Variants in FBXO31 observed in about 807,000 individuals in gnomAD.
FBXO31 encodes the protein F-box only protein 31.
In FBXO31, 24 loss-of-function variants were observed where a neutral mutation model predicts 54.4. That is an observed-to-expected ratio of 0.44 (90% CI 0.32 to 0.62). FBXO31 has a LOEUF of 0.62. Ranked by LOEUF, FBXO31 falls within the 20% of genes least tolerant of loss-of-function variation. FBXO31 has a pLI of 0.05. For synonymous variants in FBXO31, 388 were observed against 335.6 expected (o/e 1.16, Z -1.71); for missense variants, 665 against 787.1 (o/e 0.84, Z 1.86).
chr16:87,348,087 G>C (rs1424139810), intron 2 of FBXO31, among the ~76,000 whole-genome samples: 1 of 152,076 alleles, frequency 6.6e-6, no homozygotes, highest in Non-Finnish European at 1.5e-5. Context: ...TCACCCCATG[G>C]GGTATGGGCC....
At chr16:87,356,920 C>T (rs1174927233) in intron 2 of FBXO31, among the ~76,000 whole-genome samples, 3 of 152,102 alleles carry the variant, frequency 2.0e-5, no homozygotes, top group African/African-American at 7.2e-5. Context: ...AATTCATTGT[C>T]TCCATCACCA....
In FBXO31 at chr16:87,335,887, G is replaced by A. The variant is rs1418868767; in HGVS notation, c.842+268C>T. ...CACCCGGGTGAAGGATGGGGTCTGG[G>A]GCTGTGCCACAGCAGCTACAGGGAG... is the stretch of plus-strand genomic sequence containing the variant. On this transcript the variant is annotated intron_variant, in intron 6 of 8. Transcript: ENST00000311635. The surrounding 1 kb of genome is among the most constrained non-coding windows in gnomAD (Gnocchi z 5.7). Among the ~76,000 whole-genome samples the A allele has an allele frequency of 6.6e-6, 1 of 152,062 alleles. No individual in the cohort carries two copies. The highest frequency in any genetic ancestry group is 1.5e-5 in the Non-Finnish European group (1 of 68,000).
At chr16:87,354,629 GA>G (rs1905814663) in intron 2 of FBXO31, among the ~76,000 whole-genome samples, 1 of 151,900 alleles carries the variant, frequency 6.6e-6, no homozygotes, top group African/African-American at 2.4e-5. Flanking sequence ...TGCACCCAAG[GA>G]AAAAAGAAAA....
rs547336476 is a variant in FBXO31, at chr16:87,359,536, T to C, written c.412+759A>G. Among the ~76,000 whole-genome samples, 8 of 152,288 alleles carry C rather than the reference T, an allele frequency of 5.3e-5. No individual in the cohort carries two copies. The South Asian group carries it at 1.4e-3, about 28-fold the overall frequency. ...GTCTTCATGTCACTTTGAGATGATA[T>C]GACCCAAATGGCCTAAGAAACTCAA... On this transcript the variant is annotated intron_variant, in intron 2 of 8. Transcript: ENST00000311635.
At chr16:87,350,516 A>G (rs950498124) in intron 2 of FBXO31, among the ~76,000 whole-genome samples, 2 of 152,128 alleles carry the variant, frequency 1.3e-5, no homozygotes, top group African/African-American at 4.8e-5. Flanking sequence ...CCATAAACAC[A>G]CACTGATCTT....
chr16:87,390,817 A>T (rs993433675), upstream of FBXO31, among the ~76,000 whole-genome samples: 19 of 151,516 alleles, frequency 1.3e-4, no homozygotes, highest in Admixed American at 1.2e-3. Context: ...GTCAGGTCTC[A>T]AACTCCTGGG....
chr16:87,355,875 C>T (rs957274654), intron 2 of FBXO31, among the ~76,000 whole-genome samples: 2 of 152,184 alleles, frequency 1.3e-5, no homozygotes, highest in Non-Finnish European at 2.9e-5. Flanking sequence ...CCCAGCTGCG[C>T]GGCCTCCCCA....
In FBXO31 at chr16:87,333,933, C is replaced by G; in HGVS notation, c.1350G>C (p.Val450=). The change falls in exon 8 of 9, where the codon GTG becomes GTC. Residue 450 remains valine, a synonymous_variant. Transcript: ENST00000311635. ...AGTCCTCATTCCTGGAGCTCACGCC[C>G]ACGGGCAGCACGAACGGCTGCCCCT... is the stretch of plus-strand genomic sequence containing the variant. ...CGQGQPFVLP[V]GVSSRNEDYP... The G allele has an allele frequency of 6.2e-7, 1 of 1,611,968 alleles. No individual in the cohort carries two copies. Among genetic ancestry groups the G allele is most frequent in the Non-Finnish European group, 8.5e-7 (1 of 1,179,278 alleles).
chr16:87,373,583 G>A (rs1440753324), intron 1 of FBXO31, among the ~76,000 whole-genome samples: 1 of 150,234 alleles, frequency 6.7e-6, no homozygotes, highest in African/African-American at 2.4e-5. Context: ...AGGCTGGAGT[G>A]CAGCGGTATG....
chr16:87,360,835 C>A (rs955457934), intron 1 of FBXO31, among the ~76,000 whole-genome samples: 1 of 152,158 alleles, frequency 6.6e-6, no homozygotes, highest in African/African-American at 2.4e-5. Flanking sequence ...AAGAGGGGAC[C>A]GTGCAAGACA....
chr16:87,383,495 C>A lies in FBXO31; in HGVS notation c.250G>T (p.Gly84Cys). Residue 84 changes from glycine to cysteine, a missense_variant, in exon 1 of 9, where the codon GGC (glycine) becomes TGC (cysteine). Physicochemically the swap from Gly to Cys is radical, Grantham distance 159. This residue lies in a region of FBXO31 where 195 missense variants were observed against 174.8 expected (regional missense o/e 1.12). Coordinates refer to ENST00000311635, the MANE Select transcript of FBXO31 (RefSeq NM_024735.5). This position sits in a 1 kb window ranked among gnomAD's most constrained non-coding sequence, Gnocchi z 4.9. The stretch of plus-strand genomic sequence containing the variant: ...TGGGCCAAGCTGGGTAGGTCCGTGC[C>A]CGGCAGCGACGCGAAGATCTCCACC... ...LLVEIFASLP[G>C]TDLPSLAQVC... 6.3e-7 allele frequency: 1 copy of A among 1,588,114 alleles called. No individual in the cohort carries two copies. Among genetic ancestry groups the A allele is most frequent in the Non-Finnish European group, 8.5e-7 (1 of 1,170,954 alleles).
intron 1 of FBXO31, among the ~76,000 whole-genome samples, chr16:87,369,324 C>A (rs572295078): frequency 3.5e-4 from 54 of 152,230 alleles, no homozygotes; most frequent in Admixed American, 7.9e-4. Flanking sequence ...AAACTGTCCC[C>A]ATGGAGCGGC....
chr16:87,339,691 A>G (rs1053430315), intron 5 of FBXO31, among the ~76,000 whole-genome samples: 34 of 152,250 alleles, frequency 2.2e-4, no homozygotes, highest in African/African-American at 8.0e-4. Context: ...GCAGCACCCC[A>G]TACACTGACC....
chr16:87,336,061 A>G lies in FBXO31; in HGVS notation c.842+94T>C. The G allele has an allele frequency of 9.8e-7, 1 of 1,022,094 alleles. No homozygotes were observed. The highest frequency in any genetic ancestry group is 1.5e-6 in the Non-Finnish European group (1 of 682,086). The allele number at this position is 1,022,094 out of a possible 1,614,324, so 63.3% of individuals were successfully genotyped here. A position where few individuals can be genotyped will look rare whatever the true frequency, so the allele number is the denominator to read the frequency against. On this transcript the variant is annotated intron_variant, in intron 6 of 8. Transcript: ENST00000311635. This position sits in a 1 kb window ranked among gnomAD's most constrained non-coding sequence, Gnocchi z 6.5. ...GCTGAACCCCAGCACCCACTGAGAC[A>G]AAGGACTATGCCCCAGCACCCACCG...
intron 1 of FBXO31, among the ~76,000 whole-genome samples, chr16:87,362,196 T>C (rs777852702): frequency 3.3e-5 from 5 of 152,108 alleles, no homozygotes; most frequent in Non-Finnish European, 7.4e-5. Context: ...CATTTTCTAG[T>C]AGCCACATCA....
intron 1 of FBXO31, among the ~76,000 whole-genome samples, chr16:87,371,552 C>G (rs1173251340): frequency 6.6e-6 from 1 of 152,268 alleles, no homozygotes; most frequent in East Asian, 1.9e-4. Flanking sequence ...CTAATTCTCT[C>G]CATCACCCCG....
chr16:87,367,181 T>C (rs1233928038), intron 1 of FBXO31: 1 of 151,928 alleles, frequency 6.6e-6, no homozygotes, highest in Non-Finnish European at 1.5e-5. Flanking sequence ...AAAAAATAAA[T>C]AAATAAACAA....
chr16:87,380,487 G>C (rs117680136), intron 1 of FBXO31, among the ~76,000 whole-genome samples: 1 of 151,794 alleles, frequency 6.6e-6, no homozygotes, highest in Non-Finnish European at 1.5e-5. Flanking sequence ...CTGCAGCCTC[G>C]ACCGCCTCAG....
At chr16:87,360,884 A>G (rs1906102820) in intron 1 of FBXO31, among the ~76,000 whole-genome samples, 1 of 152,192 alleles carries the variant, frequency 6.6e-6, no homozygotes, top group Non-Finnish European at 1.5e-5. Context: ...TCCACTGGCT[A>G]GGCTTGGCCA....
Sources: allele counts gnomAD v4.1 joint callset (sites outside exome capture counted in the v4.1 genomes callset), GRCh38; gene constraint gnomAD v4.1.1; regional missense constraint gnomAD v4.1.1; non-coding constraint Gnocchi (gnomAD v3.1); transcripts MANE v1.5; gene names NCBI Gene and HGNC (gene_info 2026-07-23, HGNC 2026-07-21).